The following ACSS3 variants were observed in gnomAD, a reference collection of about 807,000 sequenced individuals.
ACSS3 encodes the protein acyl-CoA synthetase short-chain family member 3, mitochondrial.
A neutral mutation model predicts 84.2 loss-of-function variants in ACSS3; 64 were observed. The ratio of observed to expected loss-of-function variants is 0.76; its 90% CI spans 0.62 to 0.94. The LOEUF is 0.94. Among genes scored for constraint, ACSS3 ranks in the 40% least tolerant of loss-of-function variants. The pLI, the probability that ACSS3 is intolerant of heterozygous loss-of-function variation, is 0.00. For synonymous variants in ACSS3, 317 were observed against 310.1 expected (o/e 1.02, Z -0.23); for missense variants, 815 against 867.6 (o/e 0.94, Z 0.76).
chr12:81,082,418 G>A (rs571134678), intron 1 of ACSS3, among the ~76,000 whole-genome samples: 4 of 152,308 alleles, frequency 2.6e-5, no homozygotes, highest in African/African-American at 7.2e-5. Context: ...GAAGGATCAT[G>A]AGAGGGGTCT....
intron 7 of ACSS3, 110 bp downstream of exon 7, chr12:81,152,206 T>C (rs942587453): frequency 1.4e-6 from 1 of 699,968 alleles, no homozygotes; most frequent in Non-Finnish European, 2.3e-6. Flanking sequence ...CAGGGGACAT[T>C]ATTATATCTT....
intron 5 of ACSS3, among the ~76,000 whole-genome samples, chr12:81,149,906 C>T (rs763348305): frequency 6.6e-6 from 1 of 152,088 alleles, no homozygotes; most frequent in Non-Finnish European, 1.5e-5. Flanking sequence ...CTTTTTCACG[C>T]ATGTTCTCAT....
rs1418075159 is a variant in ACSS3, at chr12:81,174,705, T to C, written c.1099-83T>C. The C allele has an allele frequency of 3.7e-6, 5 of 1,356,684 alleles. No homozygotes were observed. The African/African-American group carries it at 4.4e-5, about 12-fold the overall frequency. The allele number at this position is 1,356,684 out of a possible 1,614,324, so 84.0% of individuals were successfully genotyped here. A position where few individuals can be genotyped will look rare whatever the true frequency, so the allele number is the denominator to read the frequency against. On this transcript the variant is annotated intron_variant, in intron 7 of 15. Coordinates refer to ENST00000548058, the MANE Select transcript of ACSS3 (RefSeq NM_024560.4). ...TGAAAACCCCTTATTATTAATATTG[T>C]TGTGTTAAATGTATAACTATTGAAC...
chr12:81,174,698 A>G, intron 7 of ACSS3, 90 bp from the exon 8 acceptor site: 1 of 1,304,382 alleles, frequency 7.7e-7, no homozygotes, highest in Non-Finnish European at 1.0e-6. Flanking sequence ...CCTTATTATT[A>G]ATATTGTTGT....
At chr12:81,110,262 T>C (rs1432969898) in intron 2 of ACSS3, among the ~76,000 whole-genome samples, 7 of 152,234 alleles carry the variant, frequency 4.6e-5, no homozygotes, top group African/African-American at 1.7e-4. Context: ...TTCTTGACTA[T>C]GCACACAACC....
chr12:81,232,393 C>T (rs1406731499), intron 12 of ACSS3, among the ~76,000 whole-genome samples: 1 of 151,724 alleles, frequency 6.6e-6, no homozygotes, highest in Non-Finnish European at 1.5e-5. Flanking sequence ...ATAATAACAG[C>T]ACAGAAGGGT....
intron 8 of ACSS3, among the ~76,000 whole-genome samples, chr12:81,184,778 A>G (rs1280556470): frequency 6.6e-6 from 1 of 151,754 alleles, no homozygotes; most frequent in Admixed American, 6.6e-5. Flanking sequence ...CCAAAACCAG[A>G]TGATTTTAGA....
chr12:81,228,506 A>G (rs999425791), intron 11 of ACSS3, among the ~76,000 whole-genome samples: 1 of 151,878 alleles, frequency 6.6e-6, no homozygotes, highest in Non-Finnish European at 1.5e-5. Flanking sequence ...TCCTGTAGGC[A>G]TCAATTAATT....
chr12:81,104,826 C>T (rs1054847282), intron 1 of ACSS3: 46 of 152,044 alleles, frequency 3.0e-4, no homozygotes, highest in Admixed American at 2.2e-3. Context: ...CAGAGAAGAC[C>T]TGCTAAAACA....
chr12:81,120,345 G>A (rs1262961049), intron 2 of ACSS3, among the ~76,000 whole-genome samples: 1 of 152,192 alleles, frequency 6.6e-6, no homozygotes, highest in Non-Finnish European at 1.5e-5. Flanking sequence ...GTCCTTACAA[G>A]TGGAAGTGAG....
chr12:81,240,095 T>C (rs2033747626), intron 13 of ACSS3, among the ~76,000 whole-genome samples: 1 of 151,974 alleles, frequency 6.6e-6, no homozygotes, highest in African/African-American at 2.4e-5. Flanking sequence ...AGTTGATTGA[T>C]GGTACTGTTG....
intron 8 of ACSS3, among the ~76,000 whole-genome samples, chr12:81,187,450 T>G (rs1197938447): frequency 1.3e-5 from 2 of 151,932 alleles, no homozygotes; most frequent in East Asian, 3.8e-4. Context: ...TGCACAAATA[T>G]GAGCTCATAT....
At chr12:81,183,114 G>A (rs1159604689) in intron 8 of ACSS3, among the ~76,000 whole-genome samples, 1 of 152,092 alleles carries the variant, frequency 6.6e-6, no homozygotes, top group Non-Finnish European at 1.5e-5. Flanking sequence ...TGCTGGCAAG[G>A]GGAAAAGTGG....
intron 3 of ACSS3, among the ~76,000 whole-genome samples, chr12:81,136,368 C>T (rs1885804243): frequency 6.6e-6 from 1 of 152,076 alleles, no homozygotes; most frequent in Non-Finnish European, 1.5e-5. Flanking sequence ...CAAAAGCATC[C>T]TTAGACAACA....
Position 81,156,210 on chromosome 12 carries a change from C to CT in ACSS3, c.1098+4114_1098+4115insT, listed in dbSNP as rs1565695448. Among the ~76,000 whole-genome samples the CT allele has an allele frequency of 9.6e-3, 621 of 64,764 alleles. 4 individuals are homozygous for CT. The highest frequency in any genetic ancestry group is 0.019 in the African/African-American group (586 of 30,518). 42.5% of individuals were successfully genotyped at this position (64,764 alleles called of 152,430 possible). A position where few individuals can be genotyped will look rare whatever the true frequency, so the allele number is the denominator to read the frequency against. On this transcript the variant is annotated intron_variant, in intron 7 of 15. Coordinates refer to ENST00000548058, the MANE Select transcript of ACSS3 (RefSeq NM_024560.4). ...AACACACACACACACACACACACCC[C>CT]ACACACACACACACACACACGTCTC...
chr12:81,161,289 A>G (rs1300883388), intron 7 of ACSS3, among the ~76,000 whole-genome samples: 4 of 152,194 alleles, frequency 2.6e-5, no homozygotes, highest in African/African-American at 9.7e-5. Flanking sequence ...AGCTACTACG[A>G]ATTTTGAAGA....
At chr12:81,168,668 C>T (rs1025464277) in intron 7 of ACSS3, among the ~76,000 whole-genome samples, 8 of 152,090 alleles carry the variant, frequency 5.3e-5, no homozygotes, top group Non-Finnish European at 1.2e-4. Flanking sequence ...CATTTATGTC[C>T]AGTCTAGAGT....
intron 7 of ACSS3, among the ~76,000 whole-genome samples, chr12:81,160,297 T>C (rs765745634): frequency 3.7e-4 from 56 of 152,224 alleles, no homozygotes; most frequent in Non-Finnish European, 6.5e-4. Context: ...GCAACAAGCC[T>C]TTTCAATAAA....
chr12:81,099,041 C>T (rs535735550), intron 1 of ACSS3, among the ~76,000 whole-genome samples: 1 of 152,104 alleles, frequency 6.6e-6, no homozygotes, highest in Non-Finnish European at 1.5e-5. Context: ...AATAGAAACA[C>T]TTTTGAATAG....
Sources: gnomAD v4.1 joint callset for allele counts (sites outside exome capture counted in the v4.1 genomes callset) on GRCh38, gnomAD v4.1.1 for gene constraint, MANE v1.5 for transcripts, NCBI Gene and HGNC (gene_info 2026-07-23, HGNC 2026-07-21) for gene names.